The following SLC38A9 variants were observed in gnomAD, a reference collection of about 807,000 sequenced individuals.
The protein encoded by SLC38A9 is neutral amino acid transporter 9.
A neutral mutation model predicts 62.3 loss-of-function variants in SLC38A9; 48 were observed. The observed-to-expected ratio is 0.77, with a 90% CI of 0.61 to 0.98. The LOEUF is 0.98. Among genes scored for constraint, SLC38A9 ranks in the 50% least tolerant of loss-of-function variants. The pLI is 0.00. For missense variants in SLC38A9, 541 were observed against 679.8 expected, an observed-to-expected ratio of 0.80 and a Z score of 2.27; for synonymous variants, 204 against 227.7, an observed-to-expected ratio of 0.90 and a Z score of 0.94.
intron 2 of SLC38A9, among the ~76,000 whole-genome samples, chr5:55,705,783 C>T (rs1392495337): frequency 6.6e-6 from 1 of 151,500 alleles, no homozygotes; most frequent in Non-Finnish European, 1.5e-5. Context: ...TCTTGGCTCA[C>T]TGCAACCTCC....
At position 55,710,569 on chromosome 5, in the gene SLC38A9, G is replaced by A. The variant is rs569041647; in HGVS notation, c.-35+883C>T. On this transcript the variant is annotated intron_variant, in intron 2 of 15. Transcript: ENST00000396865. Reference sequence around the variant, plus strand: ...TATGAGGCAGAGAGATTTTTCTCAAGTTAGGACATGGGTAATTTTGACCTA... The same window carrying A: ...TATGAGGCAGAGAGATTTTTCTCAAATTAGGACATGGGTAATTTTGACCTA... Among the ~76,000 whole-genome samples the A allele has an allele frequency of 2.0e-5, 3 of 152,218 alleles. No individual in the cohort carries two copies. In the South Asian group the frequency reaches 6.2e-4, roughly 32 times the overall value.
chr5:55,711,593 A>C (rs1758053082), intron 1 of SLC38A9, 94 bp from the exon 2 acceptor site: 1 of 152,114 alleles, frequency 6.6e-6, no homozygotes, highest in African/African-American at 2.4e-5. Context: ...CTATCAACAC[A>C]CTCACTCTCA....
chr5:55,637,409 G>C (rs946914613), intron 12 of SLC38A9, among the ~76,000 whole-genome samples: 1 of 152,126 alleles, frequency 6.6e-6, no homozygotes, highest in African/African-American at 2.4e-5. Flanking sequence ...CTACTGTATT[G>C]TGACAGTCAT....
chr5:55,688,112 C>T (rs1005542315), intron 3 of SLC38A9, among the ~76,000 whole-genome samples: 1 of 152,096 alleles, frequency 6.6e-6, no homozygotes, highest in Non-Finnish European at 1.5e-5. Flanking sequence ...GATTTTGTAT[C>T]CTGAGACTTC....
intron 12 of SLC38A9, among the ~76,000 whole-genome samples, chr5:55,637,570 C>T (rs1227818544): frequency 6.6e-6 from 1 of 152,194 alleles, no homozygotes; most frequent in African/African-American, 2.4e-5. Flanking sequence ...CCACAAGACT[C>T]TGGGATTCTG....
At chr5:55,692,768 G>A (rs1754922525) in intron 3 of SLC38A9, 1 of 985,348 alleles carries the variant, frequency 1.0e-6, no homozygotes, top group African/African-American at 1.7e-5. Context: ...TGTTGTCACA[G>A]TGGTCAATTA....
intron 3 of SLC38A9, among the ~76,000 whole-genome samples, chr5:55,685,791 C>A (rs1753713096): frequency 1.3e-5 from 2 of 152,162 alleles, no homozygotes; most frequent in Admixed American, 6.5e-5. Context: ...CCACCCTCCA[C>A]CTTCCAGTAA....
chr5:55,674,323 C>T (rs1279390603), intron 3 of SLC38A9, among the ~76,000 whole-genome samples: 1 of 152,036 alleles, frequency 6.6e-6, no homozygotes, highest in African/African-American at 2.4e-5. Context: ...TGAATATGTC[C>T]CCCAAAGTTT....
In SLC38A9 at chr5:55,669,225, T is replaced by A; in HGVS notation, c.526+3A>T. The A allele has an allele frequency of 6.2e-7, 1 of 1,605,090 alleles. No homozygotes were observed. On this transcript the variant is annotated splice_donor_region_variant and intron_variant, in intron 7 of 15. Transcript: ENST00000396865. ...ATCTATTGTCACTGTGTCAAATTCT[T>A]ACACATCATAGTCCGTGATTTCACT...
intron 3 of SLC38A9, among the ~76,000 whole-genome samples, chr5:55,677,051 A>C (rs1752203714): frequency 6.6e-6 from 1 of 152,196 alleles, no homozygotes; most frequent in Non-Finnish European, 1.5e-5. Flanking sequence ...CCTGACATTA[A>C]ACATGACAGA....
At chr5:55,652,373 A>AAAG (rs1554055192) in intron 10 of SLC38A9, among the ~76,000 whole-genome samples, 156 bp downstream of exon 10, 1 of 150,794 alleles carries the variant, frequency 6.6e-6, no homozygotes, top group Non-Finnish European at 1.5e-5. Context: ...AAAAAAAAAA[A>AAAG]AAAAGAAAGA....
intron 4 of SLC38A9, among the ~76,000 whole-genome samples, chr5:55,670,719 T>C (rs1473145320): frequency 6.6e-6 from 1 of 152,194 alleles, no homozygotes; most frequent in Non-Finnish European, 1.5e-5. Context: ...AACTTGCTCA[T>C]CTGGGATCTT....
chr5:55,649,827 A>G (rs1048071805), intron 10 of SLC38A9, among the ~76,000 whole-genome samples: 1 of 149,874 alleles, frequency 6.7e-6, no homozygotes, highest in Non-Finnish European at 1.5e-5. Context: ...ATCTCAAAGG[A>G]AAAAAAAAAG....
intron 2 of SLC38A9, among the ~76,000 whole-genome samples, chr5:55,704,929 G>A (rs776199585): frequency 6.6e-5 from 10 of 152,030 alleles, no homozygotes; most frequent in Non-Finnish European, 1.0e-4. Flanking sequence ...ACAGGGTTTC[G>A]GATTAAAATG....
At chr5:55,664,640 T>C (rs964987152) in intron 8 of SLC38A9, 53 bp downstream of exon 8, 2 of 968,928 alleles carry the variant, frequency 2.1e-6, no homozygotes, top group Non-Finnish European at 2.9e-6. Flanking sequence ...AACATTACAG[T>C]GGTAATAGTA....
At chr5:55,690,726 A>G (rs1397705899) in intron 3 of SLC38A9, among the ~76,000 whole-genome samples, 1 of 150,672 alleles carries the variant, frequency 6.6e-6, no homozygotes, top group East Asian at 2.0e-4. Context: ...TAATAGATAA[A>G]CTCTTCACTT....
intron 14 of SLC38A9, among the ~76,000 whole-genome samples, chr5:55,630,626 T>C (rs1481634828): frequency 6.6e-6 from 1 of 152,090 alleles, no homozygotes; most frequent in Non-Finnish European, 1.5e-5. Flanking sequence ...AAATTAAAAA[T>C]TTTTTGAAAG....
At position 55,626,385 on chromosome 5, in the gene SLC38A9, G is replaced by GA; in HGVS notation, c.*108dup. 1 of 1,005,460 alleles carries GA rather than the reference G, an allele frequency of 9.9e-7. No individual in the cohort carries two copies. Among genetic ancestry groups the GA allele is most frequent in the South Asian group, 2.0e-5 (1 of 49,880 alleles). 62.3% of individuals were successfully genotyped at this position (1,005,460 alleles called of 1,614,324 possible). A position where few individuals can be genotyped will look rare whatever the true frequency, so the allele number is the denominator to read the frequency against. On this transcript the variant is annotated 3_prime_UTR_variant, in exon 16 of 16. Transcript: ENST00000396865. ...TTTCCCTTGCTTTCAAATTATCTTA[G>GA]AAAATATTTAGAATTACACAACAGC...
chr5:55,646,632 G>T (rs1248066299), intron 11 of SLC38A9, among the ~76,000 whole-genome samples: 1 of 152,128 alleles, frequency 6.6e-6, no homozygotes, highest in Non-Finnish European at 1.5e-5. Flanking sequence ...CACCTACAGA[G>T]GATTCATTAA....
Sources: allele counts gnomAD v4.1 joint callset (sites outside exome capture counted in the v4.1 genomes callset), GRCh38; gene constraint gnomAD v4.1.1; transcripts MANE v1.5; gene names NCBI Gene and HGNC (gene_info 2026-07-23, HGNC 2026-07-21).